The following MTMR8 variants were observed in gnomAD, a reference collection of about 807,000 sequenced individuals.
The protein encoded by MTMR8 is myotubularin related protein 8, also known as phosphatidylinositol-3,5-bisphosphate 3-phosphatase MTMR8.
A neutral mutation model predicts 39.3 loss-of-function variants in MTMR8; 65 were observed. The ratio of observed to expected loss-of-function variants is 1.65; its 90% confidence interval spans 1.35 to 2.03. The LOEUF (loss-of-function observed/expected upper bound fraction) is 2.03. Ranked by LOEUF, MTMR8 falls within the 30% of genes most tolerant of loss-of-function variation. The pLI is 0.00. For synonymous variants in MTMR8, 245 were observed against 185.2 expected (o/e 1.32, Z -2.62); for missense variants, 777 against 538.9 (o/e 1.44, Z -4.37).
At chrX:64,303,455 G>A (rs1454630776) in intron 12 of MTMR8, among the ~76,000 whole-genome samples, 1 of 111,978 alleles carries the variant, frequency 8.9e-6, no homozygotes, top group Non-Finnish European at 1.9e-5. Context: ...ATTCTACAGT[G>A]TTTCAGAATT....
At chrX:64,308,917 T>C (rs1251798034) in intron 12 of MTMR8, among the ~76,000 whole-genome samples, 2 of 112,115 alleles carry the variant, frequency 1.8e-5, no homozygotes, top group African/African-American at 3.2e-5. Flanking sequence ...ATTATATTTC[T>C]GTGGGTCAAT....
chrX:64,286,868 C>A (rs965257762), intron 12 of MTMR8, among the ~76,000 whole-genome samples: 3 of 111,505 alleles, frequency 2.7e-5, no homozygotes, highest in African/African-American at 6.5e-5. Context: ...ACTGAATGGG[C>A]AAAAACTGGA....
intron 12 of MTMR8, among the ~76,000 whole-genome samples, chrX:64,295,748 C>T (rs1427053884): frequency 9.0e-6 from 1 of 110,805 alleles, no homozygotes; most frequent in Non-Finnish European, 1.9e-5. Flanking sequence ...AAATCGAAAC[C>T]ACGAGATACT....
intron 8 of MTMR8, among the ~76,000 whole-genome samples, chrX:64,340,726 T>C (rs759978933): frequency 2.0e-4 from 22 of 112,191 alleles, no homozygotes; most frequent in Non-Finnish European, 3.6e-4. Context: ...GCAACCATGT[T>C]CTTTGTTTAG....
At chrX:64,335,518 C>T (rs1485389362) in intron 10 of MTMR8, among the ~76,000 whole-genome samples, 1 of 112,131 alleles carries the variant, frequency 8.9e-6, no homozygotes, top group Non-Finnish European at 1.9e-5. Context: ...AAATATTTAT[C>T]GATTGTTCTG....
chrX:64,280,464 T>C (rs759230095), intron 12 of MTMR8, among the ~76,000 whole-genome samples: 1 of 111,822 alleles, frequency 8.9e-6, no homozygotes, highest in Non-Finnish European at 1.9e-5. Context: ...ATTATCTCAA[T>C]AGATGCAGAA....
At position 64,330,471 on chromosome X, in the gene MTMR8, G is replaced by T. The variant is rs374752958; in HGVS notation, c.1352+1086C>A. Reference sequence around the variant, plus strand: ...TGCTATGCTATAAAGGGGCCTGAGGGTTGGGCTAACTACTAACTCAGCCAA... The same window carrying T: ...TGCTATGCTATAAAGGGGCCTGAGGTTTGGGCTAACTACTAACTCAGCCAA... On this transcript the variant is annotated intron_variant, in intron 11 of 13. Coordinates refer to ENST00000374852, the MANE Select transcript of MTMR8 (RefSeq NM_017677.4). 5.4e-5 allele frequency among the ~76,000 whole-genome samples: 6 copies of T among 111,718 alleles called. No homozygotes were observed. In the East Asian group the frequency reaches 1.7e-3, roughly 32 times the overall value.
In MTMR8 at chrX:64,380,443, G is replaced by A. The variant is rs930515781; in HGVS notation, c.24+14897C>T. Among the ~76,000 whole-genome samples the A allele has an allele frequency of 2.7e-5, 3 of 112,399 alleles. No individual in the cohort carries two copies. The Admixed American group carries it at 2.8e-4, about 11-fold the overall frequency. On this transcript the variant is annotated intron_variant, in intron 1 of 13. Transcript: ENST00000374852. ...TCCACCCTCAAAGGTTAACTTAATT[G>A]GCCTGAGGTGAGGCATTTAAATATT...
chrX:64,393,803 G>A (rs192313082), intron 1 of MTMR8, among the ~76,000 whole-genome samples: 3 of 112,367 alleles, frequency 2.7e-5, no homozygotes, highest in Admixed American at 9.4e-5. Flanking sequence ...AAAGGTTGGA[G>A]TTTGTGCTTT....
chrX:64,285,044 C>T (rs1161687056), intron 12 of MTMR8, among the ~76,000 whole-genome samples: 9 of 111,621 alleles, frequency 8.1e-5, no homozygotes, highest in African/African-American at 2.9e-4. Flanking sequence ...GATAAAGAGT[C>T]AAGACCCATT....
intron 12 of MTMR8, among the ~76,000 whole-genome samples, chrX:64,289,202 C>T (rs1363104676): frequency 9.1e-6 from 1 of 110,233 alleles, no homozygotes; most frequent in Non-Finnish European, 1.9e-5. Flanking sequence ...ATCAAAACCA[C>T]AATGATATAT....
intron 8 of MTMR8, among the ~76,000 whole-genome samples, chrX:64,340,122 G>T (rs1333429355): frequency 9.0e-6 from 1 of 111,483 alleles, no homozygotes; most frequent in Non-Finnish European, 1.9e-5. Context: ...CAGGTAGAGT[G>T]GAAGGATAAG....
intron 12 of MTMR8, among the ~76,000 whole-genome samples, chrX:64,310,824 A>G (rs1307275115): frequency 8.9e-6 from 1 of 111,830 alleles, no homozygotes. Context: ...TGCAAAGGAC[A>G]TAAACTCATC....
intron 12 of MTMR8, among the ~76,000 whole-genome samples, chrX:64,325,075 C>T (rs1018036499): frequency 9.0e-6 from 1 of 111,065 alleles, no homozygotes; most frequent in African/African-American, 3.3e-5. Flanking sequence ...GGATAAATTC[C>T]TGGTCATATA....
intron 12 of MTMR8, among the ~76,000 whole-genome samples, chrX:64,311,423 A>G (rs1359254832): frequency 1.8e-5 from 2 of 110,371 alleles, no homozygotes; most frequent in Non-Finnish European, 3.8e-5. Context: ...GATTGCAAAA[A>G]TTTTCTCCCA....
intron 12 of MTMR8, among the ~76,000 whole-genome samples, chrX:64,313,123 C>T: frequency 8.9e-6 from 1 of 112,369 alleles, no homozygotes; most frequent in South Asian, 3.7e-4. Context: ...AAATTTGAAG[C>T]CAGACACTGA....
chrX:64,304,717 T>G (rs1922020966), intron 12 of MTMR8, among the ~76,000 whole-genome samples: 1 of 105,773 alleles, frequency 9.5e-6, no homozygotes, highest in African/African-American at 3.4e-5. Context: ...TCATTACATT[T>G]TGCCACTCAT....
At chrX:64,310,520 C>CTTTAAG (rs1455764312) in intron 12 of MTMR8, among the ~76,000 whole-genome samples, 1 of 111,238 alleles carries the variant, frequency 9.0e-6, no homozygotes, top group Non-Finnish European at 1.9e-5. Flanking sequence ...AAAAATTATA[C>CTTTAAG]TTTAAGTTTT....
intron 12 of MTMR8, among the ~76,000 whole-genome samples, chrX:64,300,880 C>T (rs1357554925): frequency 5.4e-5 from 6 of 110,601 alleles, no homozygotes; most frequent in East Asian, 2.8e-4. Context: ...AAAATTCTTT[C>T]CTTTAAGAAT....
Sources: gnomAD v4.1 joint callset for allele counts (sites outside exome capture counted in the v4.1 genomes callset) on GRCh38, gnomAD v4.1.1 for gene constraint, MANE v1.5 for transcripts, NCBI Gene and HGNC (gene_info 2026-07-23, HGNC 2026-07-21) for gene names.